Variants in TMEM266 observed in about 807,000 individuals in gnomAD.
TMEM266 encodes transmembrane protein 266.
Under a neutral mutation model 50.5 loss-of-function variants are expected in TMEM266, and 33 were observed. The observed-to-expected ratio is 0.65, with a 90% confidence interval of 0.50 to 0.87. The LOEUF is 0.87. TMEM266 is among the 40% of genes least tolerant of loss of function. The probability of loss-of-function intolerance (pLI) is 0.00; values close to 1 mark genes in which losing one functional copy is unlikely to be tolerated. For missense variants in TMEM266, 655 were observed against 695.1 expected, an observed-to-expected ratio of 0.94 and a Z score of 0.65; for synonymous variants, 310 against 292.3, an observed-to-expected ratio of 1.06 and a Z score of -0.62.
At chr15:76,133,501 GT>G (rs1382478178) in intron 1 of TMEM266, among the ~76,000 whole-genome samples, 3 of 152,184 alleles carry the variant, frequency 2.0e-5, no homozygotes, top group African/African-American at 7.2e-5. Flanking sequence ...TACTTACTAA[GT>G]GTCAGACGCT....
intron 8 of TMEM266, among the ~76,000 whole-genome samples, chr15:76,187,705 G>C (rs1243538712): frequency 2.0e-5 from 3 of 152,202 alleles, no homozygotes; most frequent in Non-Finnish European, 4.4e-5. Flanking sequence ...CCAGCATCGG[G>C]CTCAGTGTGT....
At chr15:76,109,721 T>C (rs2142010278) in intron 1 of TMEM266, among the ~76,000 whole-genome samples, 1 of 151,590 alleles carries the variant, frequency 6.6e-6, no homozygotes, top group East Asian at 1.9e-4. Context: ...CTTTTTTTTT[T>C]TTTTTTGAGA....
chr15:76,110,092 T>C (rs1477842059), intron 1 of TMEM266, among the ~76,000 whole-genome samples: 3 of 152,074 alleles, frequency 2.0e-5, no homozygotes, highest in Non-Finnish European at 4.4e-5. Flanking sequence ...CTCTGTCTCC[T>C]GGGTTCAAGC....
intron 1 of TMEM266, among the ~76,000 whole-genome samples, chr15:76,105,527 G>A (rs544838503): frequency 6.6e-6 from 1 of 152,278 alleles, no homozygotes; most frequent in South Asian, 2.1e-4. Flanking sequence ...AGGTTTTCTG[G>A]GACACATGGT....
At chr15:76,141,062 G>A (rs1463598980) in intron 3 of TMEM266, among the ~76,000 whole-genome samples, 3 of 151,994 alleles carry the variant, frequency 2.0e-5, no homozygotes, top group African/African-American at 7.2e-5. Context: ...TGACAGAGAC[G>A]GGAATAGAGC....
chr15:76,083,476 T>G (rs1168998866), intron 1 of TMEM266, among the ~76,000 whole-genome samples: 1 of 152,114 alleles, frequency 6.6e-6, no homozygotes, highest in East Asian at 1.9e-4. Flanking sequence ...TTTCTGTTTC[T>G]CGAACAGTCC....
chr15:76,187,912 G>A (rs755707388), intron 8 of TMEM266, among the ~76,000 whole-genome samples: 1 of 152,146 alleles, frequency 6.6e-6, no homozygotes, highest in Non-Finnish European at 1.5e-5. Context: ...TGCATACCAG[G>A]CAACACAACA....
At chr15:76,126,912 G>A (rs960794496) in intron 1 of TMEM266, among the ~76,000 whole-genome samples, 1 of 152,050 alleles carries the variant, frequency 6.6e-6, no homozygotes, top group Non-Finnish European at 1.5e-5. Flanking sequence ...GGTTGCGGGG[G>A]GCAGGTGGTG....
At chr15:76,202,881 G>T (rs917995446) in intron 10 of TMEM266, among the ~76,000 whole-genome samples, 3 of 152,050 alleles carry the variant, frequency 2.0e-5, no homozygotes, top group African/African-American at 7.2e-5. Flanking sequence ...ATTATGTTGG[G>T]CCATGTGAGT....
intron 7 of TMEM266, chr15:76,175,249 C>A: frequency 3.7e-6 from 1 of 269,278 alleles, no homozygotes; most frequent in Non-Finnish European, 7.2e-6. Context: ...AGAAGGTGGT[C>A]TTGTGGCCAC....
At chr15:76,195,833 A>C (rs2250805) in intron 9 of TMEM266, among the ~76,000 whole-genome samples, 149,101 of 152,342 alleles carry the variant, frequency 0.98, 73,046 homozygotes, top group South Asian at 1. Flanking sequence ...ACATTTGAGC[A>C]CACAGGGGAG....
intron 1 of TMEM266, among the ~76,000 whole-genome samples, chr15:76,126,374 C>CATATATATATATATATATATAT (rs61446223): frequency 1.1e-4 from 15 of 137,808 alleles, no homozygotes; most frequent in African/African-American, 3.7e-4. Flanking sequence ...CACCCACAGA[C>CATATATATATATATATATATAT]ATATATATAT....
At chr15:76,198,660 T>C (rs1363648447) in intron 9 of TMEM266, among the ~76,000 whole-genome samples, 1 of 152,268 alleles carries the variant, frequency 6.6e-6, no homozygotes, top group East Asian at 1.9e-4. Context: ...TAATGGTACT[T>C]GGCATATGCC....
chr15:76,190,290 G>A lies in TMEM266; in HGVS notation c.769-1678G>A, dbSNP rs73446495. On this transcript the variant is annotated intron_variant, in intron 8 of 10. Coordinates refer to ENST00000388942, the MANE Select transcript of TMEM266 (RefSeq NM_152335.3). ...TGGTATCTTTACAGAACCAGAAGAA[G>A]GATTGCGTCTTGGGGTCAGGTCACG... Among the ~76,000 whole-genome samples the A allele has an allele frequency of 4.5e-3, 686 of 152,328 alleles. 6 individuals are homozygous for A. The highest frequency in any genetic ancestry group is 0.016 in the African/African-American group (650 of 41,580).
At chr15:76,065,279 C>G (rs1340379077) in intron 1 of TMEM266, among the ~76,000 whole-genome samples, 2 of 152,276 alleles carry the variant, frequency 1.3e-5, no homozygotes, top group Non-Finnish European at 1.5e-5. Context: ...CTATCACTGC[C>G]CTTCTTGATA....
chr15:76,197,842 C>A (rs957606905), intron 9 of TMEM266, among the ~76,000 whole-genome samples: 13 of 152,248 alleles, frequency 8.5e-5, no homozygotes, highest in Non-Finnish European at 1.8e-4. Context: ...CCTGGCCCAG[C>A]TGACTCACCA....
At chr15:76,076,916 T>C (rs1320421591) in intron 1 of TMEM266, among the ~76,000 whole-genome samples, 1 of 152,082 alleles carries the variant, frequency 6.6e-6, no homozygotes, top group African/African-American at 2.4e-5. Context: ...CAGTCATGTA[T>C]TGAGGATAAA....
At chr15:76,070,463 A>G (rs2036522659) in intron 1 of TMEM266, among the ~76,000 whole-genome samples, 1 of 152,202 alleles carries the variant, frequency 6.6e-6, no homozygotes, top group Admixed American at 6.5e-5. Context: ...GGAAGAAAGG[A>G]ATTGAAATGG....
At chr15:76,147,620 ATGCCCC>A (rs1271961609) in intron 3 of TMEM266, among the ~76,000 whole-genome samples, 2 of 152,178 alleles carry the variant, frequency 1.3e-5, no homozygotes, top group Non-Finnish European at 2.9e-5. Context: ...AGAATTCTTG[ATGCCCC>A]AACAACGGAA....
Sources: allele counts gnomAD v4.1 joint callset (sites outside exome capture counted in the v4.1 genomes callset), GRCh38; gene constraint gnomAD v4.1.1; transcripts MANE v1.5; gene names NCBI Gene and HGNC (gene_info 2026-07-23, HGNC 2026-07-21).